Variants in ERC2 observed in about 807,000 individuals in gnomAD.
ERC2 encodes the protein ERC protein 2.
A neutral mutation model predicts 114.8 loss-of-function variants in ERC2; 42 were observed. The ratio of observed to expected loss-of-function variants is 0.37; its 90% CI spans 0.29 to 0.47. ERC2 has a LOEUF of 0.47. ERC2 is among the 20% of genes least tolerant of loss of function. The pLI is 0.99. For missense variants in ERC2, 939 were observed against 1,150.7 expected, an observed-to-expected ratio of 0.82 and a Z score of 2.66; for synonymous variants, 454 against 425.5, an observed-to-expected ratio of 1.07 and a Z score of -0.82.
intron 17 of ERC2, among the ~76,000 whole-genome samples, chr3:55,638,194 C>T (rs1299520886): frequency 6.6e-6 from 1 of 152,232 alleles, no homozygotes; most frequent in Non-Finnish European, 1.5e-5. Context: ...ACTGCCCTCA[C>T]CTATAAAATC....
intron 17 of ERC2, among the ~76,000 whole-genome samples, chr3:55,672,393 A>ACACCTTAGGG (rs1253132712): frequency 6.6e-6 from 1 of 151,988 alleles, no homozygotes; most frequent in African/African-American, 2.4e-5. Context: ...GCACTGAGGA[A>ACACCTTAGGG]CACCTTAGGG....
chr3:56,460,964 CAA>C (rs35313545), intron 1 of ERC2, among the ~76,000 whole-genome samples: 7,842 of 98,158 alleles, frequency 0.08, 295 homozygotes, highest in Non-Finnish European at 0.11. Context: ...ACTAAAAATA[CAA>C]AAAAAAAAAA....
intron 13 of ERC2, among the ~76,000 whole-genome samples, chr3:55,935,902 C>T (rs529831384): frequency 6.6e-6 from 1 of 152,304 alleles, no homozygotes; most frequent in African/African-American, 2.4e-5. Flanking sequence ...TCTTCAAATG[C>T]CAACAAGAAT....
At chr3:55,683,690 CAG>C in intron 17 of ERC2, 102 bp downstream of exon 17, 1 of 954,138 alleles carries the variant, frequency 1.0e-6, no homozygotes, top group Non-Finnish European at 1.6e-6. Context: ...GTAGCAAACA[CAG>C]GGCACAATTC....
At chr3:55,554,020 G>A (rs1325113344) in intron 17 of ERC2, among the ~76,000 whole-genome samples, 1 of 152,154 alleles carries the variant, frequency 6.6e-6, no homozygotes, top group Non-Finnish European at 1.5e-5. Flanking sequence ...GTTTCATGGA[G>A]GAAATAATGT....
intron 1 of ERC2, among the ~76,000 whole-genome samples, chr3:56,435,581 C>T (rs2061982299): frequency 6.6e-6 from 1 of 152,222 alleles, no homozygotes; most frequent in African/African-American, 2.4e-5. Flanking sequence ...CTCTGAGAAG[C>T]TGCTGATTCC....
At chr3:55,937,735 CTTGA>C (rs1193142755) in intron 13 of ERC2, among the ~76,000 whole-genome samples, 1 of 152,156 alleles carries the variant, frequency 6.6e-6, no homozygotes, top group Non-Finnish European at 1.5e-5. Context: ...AAGTAGACAT[CTTGA>C]TTATTTTATC....
chr3:55,874,179 G>C (rs1363969581), intron 14 of ERC2, among the ~76,000 whole-genome samples: 1 of 152,166 alleles, frequency 6.6e-6, no homozygotes, highest in Non-Finnish European at 1.5e-5. Flanking sequence ...CCCATACCTT[G>C]GAGGCAGTTG....
intron 17 of ERC2, among the ~76,000 whole-genome samples, chr3:55,569,678 C>T (rs1382995017): frequency 2.0e-5 from 3 of 152,138 alleles, no homozygotes; most frequent in Admixed American, 6.5e-5. Context: ...TAAACTTTGG[C>T]AAGTCACATC....
chr3:55,927,235 A>G (rs1166039980), intron 13 of ERC2, among the ~76,000 whole-genome samples: 1 of 152,194 alleles, frequency 6.6e-6, no homozygotes, highest in Non-Finnish European at 1.5e-5. Context: ...TAGATTTTAC[A>G]TTAACAACCA....
At chr3:56,277,138 G>GTGAA (rs1339947610) in intron 3 of ERC2, among the ~76,000 whole-genome samples, 2 of 152,320 alleles carry the variant, frequency 1.3e-5, no homozygotes, top group East Asian at 3.9e-4. Context: ...GAATGCAAGA[G>GTGAA]TGAATGAATG....
intron 14 of ERC2, among the ~76,000 whole-genome samples, chr3:55,846,864 A>C (rs1184666156): frequency 6.6e-6 from 1 of 152,186 alleles, no homozygotes; most frequent in African/African-American, 2.4e-5. Flanking sequence ...AACTCAGCAG[A>C]AAGCTTGCAC....
intron 17 of ERC2, among the ~76,000 whole-genome samples, chr3:55,651,910 G>C (rs1417982484): frequency 6.6e-6 from 1 of 152,238 alleles, no homozygotes; most frequent in African/African-American, 2.4e-5. Context: ...AGCTCGGAAT[G>C]CTGTTGCATT....
intron 12 of ERC2, among the ~76,000 whole-genome samples, chr3:55,953,503 T>C (rs114274588): frequency 1.3e-4 from 20 of 152,308 alleles, no homozygotes; most frequent in African/African-American, 4.8e-4. Context: ...TTTCTAGCAG[T>C]TGAAGCCTTT....
chr3:55,927,431 G>T (rs888337676), intron 13 of ERC2, among the ~76,000 whole-genome samples: 1 of 152,016 alleles, frequency 6.6e-6, no homozygotes, highest in African/African-American at 2.4e-5. Flanking sequence ...ATGGCAGGGG[G>T]TGTTTGTACT....
intron 17 of ERC2, among the ~76,000 whole-genome samples, chr3:55,524,717 G>T (rs907974891): frequency 1.3e-5 from 2 of 152,134 alleles, no homozygotes; most frequent in African/African-American, 4.8e-5. Context: ...TGACTCACTT[G>T]TGAACGGGTG....
intron 3 of ERC2, among the ~76,000 whole-genome samples, chr3:56,250,002 C>T (rs1460352210): frequency 4.6e-5 from 7 of 151,972 alleles, no homozygotes; most frequent in Middle Eastern, 3.4e-3. Flanking sequence ...GGATTACAGG[C>T]GCCCGCCACC....
chr3:55,627,895 T>TC (rs1478219346), intron 17 of ERC2, among the ~76,000 whole-genome samples: 1 of 150,906 alleles, frequency 6.6e-6, no homozygotes, highest in Non-Finnish European at 1.5e-5. Context: ...TTTTTTTTTT[T>TC]TTTTTTTTTT....
At chr3:56,353,530 T>C (rs1379606873) in intron 2 of ERC2, among the ~76,000 whole-genome samples, 1 of 151,538 alleles carries the variant, frequency 6.6e-6, no homozygotes, top group Non-Finnish European at 1.5e-5. Context: ...CTGGAAACCA[T>C]CATTCTAAGC....
Sources: gnomAD v4.1 joint callset for allele counts (sites outside exome capture counted in the v4.1 genomes callset) on GRCh38, gnomAD v4.1.1 for gene constraint, MANE v1.5 for transcripts, NCBI Gene and HGNC (gene_info 2026-07-23, HGNC 2026-07-21) for gene names.